ATXN7L1: variants seen among roughly 807,000 people sequenced by gnomAD.
ATXN7L1 encodes the protein ataxin-7-like protein 1.
Under a neutral mutation model 70.8 loss-of-function variants are expected in ATXN7L1, and 15 were observed. The observed-to-expected ratio is 0.21, with a 90% CI of 0.14 to 0.33. The LOEUF (loss-of-function observed/expected upper bound fraction) is 0.33, where lower values mean the gene tolerates loss of function less well. Among genes scored for constraint, ATXN7L1 ranks in the 10% least tolerant of loss-of-function variants. The pLI is 1.00. For synonymous variants in ATXN7L1, 440 were observed against 445.1 expected (o/e 0.99, Z 0.14); for missense variants, 975 against 1,097.1 (o/e 0.89, Z 1.57).
At chr7:105,790,630 C>T (rs1805023035) in intron 2 of ATXN7L1, among the ~76,000 whole-genome samples, 2 of 149,924 alleles carry the variant, frequency 1.3e-5, no homozygotes, top group South Asian at 4.2e-4. Context: ...ATCTATCTAT[C>T]TATCTATCTA....
At chr7:105,847,691 A>C (rs527768119) in intron 2 of ATXN7L1, among the ~76,000 whole-genome samples, 55 of 152,340 alleles carry the variant, frequency 3.6e-4, no homozygotes, top group African/African-American at 1.2e-3. Context: ...GTGATCTTAA[A>C]AGAGCTTCTT....
rs556048408 is a variant in ATXN7L1, at chr7:105,740,784, T to TTTTTTTTTTTTTTG, written c.355+47819_355+47820insCAAAAAAAAAAAAA. On this transcript the variant is annotated intron_variant, in intron 3 of 11. Coordinates refer to ENST00000419735, the MANE Select transcript of ATXN7L1 (RefSeq NM_020725.2). ...GGCTCCATTCATTTTTTTTTTTTTTTAATGGAGTCTCACTCTGTCGCCCAG... is the reference window on the plus strand; with the variant it reads ...GGCTCCATTCATTTTTTTTTTTTTTTTTTTTTTTTTTTTGAATGGAGTCTCACTCTGTCGCCCAG... Among the ~76,000 whole-genome samples the TTTTTTTTTTTTTTG allele has an allele frequency of 1.9e-4, 15 of 77,926 alleles. 2 individuals are homozygous for TTTTTTTTTTTTTTG. The South Asian group carries it at 3.8e-3, about 20-fold the overall frequency. 51.1% of individuals were successfully genotyped at this position (77,926 alleles called of 152,430 possible). A position where few individuals can be genotyped will look rare whatever the true frequency, so the allele number is the denominator to read the frequency against.
chr7:105,823,730 A>G (rs1363880629), intron 2 of ATXN7L1, among the ~76,000 whole-genome samples: 3 of 152,246 alleles, frequency 2.0e-5, no homozygotes, highest in Non-Finnish European at 2.9e-5. Flanking sequence ...GGGAGATATC[A>G]GCAAACAAGC....
intron 4 of ATXN7L1, among the ~76,000 whole-genome samples, chr7:105,658,608 G>A (rs1009834499): frequency 2.1e-5 from 3 of 143,564 alleles, no homozygotes; most frequent in East Asian, 2.1e-4. Flanking sequence ...TTGGCTCGCC[G>A]CAACCTCTGC....
At chr7:105,870,009 C>T (rs1395233651) in intron 2 of ATXN7L1, among the ~76,000 whole-genome samples, 2 of 152,078 alleles carry the variant, frequency 1.3e-5, no homozygotes, top group African/African-American at 4.8e-5. Context: ...TGGCCGGGTG[C>T]GGTGGCTCAT....
At chr7:105,647,604 G>A (rs1010074962) in intron 4 of ATXN7L1, among the ~76,000 whole-genome samples, 2 of 152,210 alleles carry the variant, frequency 1.3e-5, no homozygotes, top group Non-Finnish European at 2.9e-5. Context: ...CTGAGATGGC[G>A]CCATTGCACT....
intron 3 of ATXN7L1, among the ~76,000 whole-genome samples, chr7:105,703,148 C>A (rs1253937060): frequency 6.6e-6 from 1 of 150,750 alleles, no homozygotes; most frequent in East Asian, 2.0e-4. Context: ...AAAAAACCCC[C>A]AAAAAATTAG....
intron 3 of ATXN7L1, among the ~76,000 whole-genome samples, chr7:105,718,184 C>T (rs1220652080): frequency 6.6e-6 from 1 of 152,140 alleles, no homozygotes; most frequent in Non-Finnish European, 1.5e-5. Flanking sequence ...CACCTTGGAT[C>T]GAGTCCTGTA....
At chr7:105,867,286 C>T (rs1185335440) in intron 2 of ATXN7L1, among the ~76,000 whole-genome samples, 6 of 152,198 alleles carry the variant, frequency 3.9e-5, no homozygotes, top group Admixed American at 3.3e-4. Flanking sequence ...AGACATATCC[C>T]GTGGGTAATC....
chr7:105,772,131 T>C (rs962449463), intron 3 of ATXN7L1, among the ~76,000 whole-genome samples: 1 of 140,086 alleles, frequency 7.1e-6, no homozygotes, highest in Non-Finnish European at 1.5e-5. Flanking sequence ...TGAAGTGCAG[T>C]GGCACGATCT....
chr7:105,613,792 T>C, intron 10 of ATXN7L1, 70 bp downstream of exon 10: 2 of 1,550,060 alleles, frequency 1.3e-6, no homozygotes, highest in Non-Finnish European at 1.7e-6. Context: ...GCCGCCCGGC[T>C]AAGCAGGGGC....
rs1393486429 is a variant in ATXN7L1, at chr7:105,727,738, GTA to G, written c.355+60864_355+60865del. Reference sequence around the variant, plus strand: ...TATTTTTCCATAGGGGTGTGTGTGTGTATGTGTGTATATATATATATATATAT... The same window carrying G: ...TATTTTTCCATAGGGGTGTGTGTGTGTGTGTGTATATATATATATATATAT... On this transcript the variant is annotated intron_variant, in intron 3 of 11. Transcript: ENST00000419735. Among the ~76,000 whole-genome samples the G allele has an allele frequency of 3.3e-3, 133 of 39,970 alleles. 1 individual carries two copies. Among genetic ancestry groups the G allele is most frequent in the African/African-American group, 0.02 (119 of 5,872 alleles). The allele number at this position is 39,970 out of a possible 152,430, so 26.2% of individuals were successfully genotyped here. A position where few individuals can be genotyped will look rare whatever the true frequency, so the allele number is the denominator to read the frequency against.
intron 2 of ATXN7L1, among the ~76,000 whole-genome samples, chr7:105,796,448 A>T (rs1013460500): frequency 6.6e-6 from 1 of 152,226 alleles, no homozygotes; most frequent in Non-Finnish European, 1.5e-5. Flanking sequence ...TACGGATGTG[A>T]CAAACCTGTG....
chr7:105,861,249 A>G (rs538946928), intron 2 of ATXN7L1, among the ~76,000 whole-genome samples: 2 of 152,324 alleles, frequency 1.3e-5, no homozygotes, highest in African/African-American at 4.8e-5. Flanking sequence ...TAACTGGTCG[A>G]TGAGGGAGTG....
intron 2 of ATXN7L1, among the ~76,000 whole-genome samples, chr7:105,823,341 T>A (rs1172976468): frequency 1.3e-5 from 2 of 152,202 alleles, no homozygotes; most frequent in Non-Finnish European, 2.9e-5. Context: ...TCCAGTATCA[T>A]TTGTGATCAC....
At chr7:105,677,289 C>T (rs1456084702) in intron 3 of ATXN7L1, among the ~76,000 whole-genome samples, 1 of 152,230 alleles carries the variant, frequency 6.6e-6, no homozygotes, top group African/African-American at 2.4e-5. Flanking sequence ...CTCTGTCACT[C>T]ATTAGCTCTG....
chr7:105,842,813 A>G (rs1813421164), intron 2 of ATXN7L1, among the ~76,000 whole-genome samples: 1 of 152,166 alleles, frequency 6.6e-6, no homozygotes, highest in Non-Finnish European at 1.5e-5. Flanking sequence ...CCCAACAGCA[A>G]TGTGTAAGGG....
intron 3 of ATXN7L1, among the ~76,000 whole-genome samples, chr7:105,692,447 T>TCCC (rs1165184520): frequency 6.5e-5 from 8 of 123,460 alleles, no homozygotes; most frequent in East Asian, 5.5e-4. Context: ...CCTCCCTCCC[T>TCCC]TCCTTCCTTC....
chr7:105,662,054 C>T (rs781427009), intron 4 of ATXN7L1, among the ~76,000 whole-genome samples: 3,240 of 138,826 alleles, frequency 0.023, 98 homozygotes, highest in East Asian at 0.061. Context: ...TTCCTTCCTT[C>T]CTTCCTTCCT....
Sources: gnomAD v4.1 joint callset for allele counts (sites outside exome capture counted in the v4.1 genomes callset) on GRCh38, gnomAD v4.1.1 for gene constraint, MANE v1.5 for transcripts, NCBI Gene and HGNC (gene_info 2026-07-23, HGNC 2026-07-21) for gene names.